DPP6: variants seen among roughly 807,000 people sequenced by gnomAD.
DPP6 encodes the protein dipeptidyl peptidase like 6.
Under a neutral mutation model 122.6 loss-of-function variants are expected in DPP6, and 69 were observed. The observed-to-expected ratio is 0.56, with a 90% CI of 0.46 to 0.69. DPP6 has a LOEUF of 0.69. Among genes scored for constraint, DPP6 ranks in the 30% least tolerant of loss-of-function variants. The probability of loss-of-function intolerance (pLI) is 0.00; values close to 1 mark genes in which losing one functional copy is unlikely to be tolerated. For missense variants in DPP6, 928 were observed against 1,116.9 expected, an observed-to-expected ratio of 0.83 and a Z score of 2.41; for synonymous variants, 418 against 433.1, an observed-to-expected ratio of 0.97 and a Z score of 0.43.
At position 154,695,040 on chromosome 7, in the gene DPP6, GT is replaced by G. The variant is rs1409706664; in HGVS notation, c.762+25603del. 3.3e-5 allele frequency among the ~76,000 whole-genome samples: 5 copies of G among 152,172 alleles called. No homozygotes were observed. The East Asian group carries it at 9.6e-4, about 29-fold the overall frequency. On this transcript the variant is annotated intron_variant, in intron 7 of 25. Transcript: ENST00000377770. ...AACATTTTGAAAAGTTTTATCCTCT[GT>G]TTTGTCATTAAAATAGACCCCGTGG...
At chr7:154,700,200 A>G (rs1307631274) in intron 7 of DPP6, among the ~76,000 whole-genome samples, 1 of 152,246 alleles carries the variant, frequency 6.6e-6, no homozygotes, top group Non-Finnish European at 1.5e-5. Context: ...AGTGGTTACT[A>G]TTTTTGGATT....
chr7:154,645,365 T>C (rs1237103098), intron 6 of DPP6, among the ~76,000 whole-genome samples: 1 of 151,886 alleles, frequency 6.6e-6, no homozygotes, highest in Non-Finnish European at 1.5e-5. Context: ...GCGCCCGGCC[T>C]GTTACTTGGT....
chr7:154,844,152 C>A (rs1457838975), intron 16 of DPP6, among the ~76,000 whole-genome samples: 2 of 152,190 alleles, frequency 1.3e-5, no homozygotes, highest in Non-Finnish European at 2.9e-5. Flanking sequence ...GCATCAGAGA[C>A]AAAAGGGCAA....
At chr7:153,889,326 G>C (rs186237676) in intron 1 of DPP6, among the ~76,000 whole-genome samples, 46 of 152,264 alleles carry the variant, frequency 3.0e-4, no homozygotes, top group Admixed American at 1.5e-3. Flanking sequence ...GCATAAACAG[G>C]ATAGAAACGT....
At chr7:154,827,661 CA>C (rs1800268260) in intron 16 of DPP6, among the ~76,000 whole-genome samples, 1 of 105,956 alleles carries the variant, frequency 9.4e-6, no homozygotes, top group African/African-American at 3.6e-5. Flanking sequence ...GGACGGCTGG[CA>C]GGGGGGTGGT....
At chr7:154,203,560 G>A (rs1439309693) in intron 1 of DPP6, among the ~76,000 whole-genome samples, 1 of 152,152 alleles carries the variant, frequency 6.6e-6, no homozygotes, top group African/African-American at 2.4e-5. Flanking sequence ...GCAGAGATGA[G>A]GCATAATGAA....
At chr7:154,794,226 G>A (rs373197400) in intron 11 of DPP6, 24 bp downstream of exon 11, 51 of 1,584,094 alleles carry the variant, frequency 3.2e-5, no homozygotes, top group Non-Finnish European at 4.3e-5. Context: ...TGGGGGTGGA[G>A]GGGAGACGGG....
chr7:154,546,179 AT>A (rs1466895481), intron 4 of DPP6, among the ~76,000 whole-genome samples: 1 of 150,812 alleles, frequency 6.6e-6, no homozygotes, highest in African/African-American at 2.5e-5. Flanking sequence ...GATACAAAAA[AT>A]ATTTATGATA....
chr7:153,897,269 T>G (rs1799453277), intron 1 of DPP6, among the ~76,000 whole-genome samples: 1 of 152,212 alleles, frequency 6.6e-6, no homozygotes, highest in Non-Finnish European at 1.5e-5. Context: ...ATGTATTCTT[T>G]CAGAAATTAT....
intron 16 of DPP6, among the ~76,000 whole-genome samples, chr7:154,844,166 C>T (rs189060269): frequency 1.3e-5 from 2 of 152,334 alleles, no homozygotes; most frequent in African/African-American, 4.8e-5. Flanking sequence ...AGGGCAAAAG[C>T]TTCCTATTGT....
intron 1 of DPP6, among the ~76,000 whole-genome samples, chr7:154,360,126 G>T (rs1023756984): frequency 6.6e-5 from 10 of 152,102 alleles, no homozygotes; most frequent in African/African-American, 2.4e-4. Context: ...ATTGAAGCTG[G>T]CATGAATCTG....
At position 154,408,445 on chromosome 7, in the gene DPP6, C is replaced by G. The variant is rs186187983; in HGVS notation, c.244-37769C>G. ...TTATGTGGTTATTGTTTTTTTAAAT[C>G]TTTTCAATATATATTTTTATATTGG... On this transcript the variant is annotated intron_variant, in intron 1 of 25. Coordinates refer to ENST00000377770, the MANE Select transcript of DPP6 (RefSeq NM_130797.4). Among the ~76,000 whole-genome samples the G allele has an allele frequency of 1.7e-3, 259 of 152,064 alleles. 3 individuals are homozygous for G. The highest frequency in any genetic ancestry group is 0.013 in the Admixed American group (203 of 15,270).
At chr7:154,368,039 C>T (rs1302566121) in intron 1 of DPP6, among the ~76,000 whole-genome samples, 1 of 152,152 alleles carries the variant, frequency 6.6e-6, no homozygotes, top group East Asian at 1.9e-4. Context: ...AACTCCTGAC[C>T]TTGTGATTCA....
At chr7:154,417,131 G>A (rs746931495) in intron 1 of DPP6, among the ~76,000 whole-genome samples, 2 of 152,212 alleles carry the variant, frequency 1.3e-5, no homozygotes, top group Non-Finnish European at 2.9e-5. Context: ...GGTGAATGAA[G>A]CAAGTCTGAG....
chr7:153,890,683 C>CTTTT (rs34345128), intron 1 of DPP6, among the ~76,000 whole-genome samples: 1,392 of 82,006 alleles, frequency 0.017, 157 homozygotes, highest in African/African-American at 0.076. Context: ...CAGTTTAGAA[C>CTTTT]TTTTTTTTTT....
At chr7:153,768,470 A>G in the DPP6 span, among the ~76,000 whole-genome samples, 1 of 152,108 alleles carries the variant, frequency 6.6e-6, no homozygotes, top group Non-Finnish European at 1.5e-5. Flanking sequence ...TTAGTATTAT[A>G]CTACCAAAGA....
intron 1 of DPP6, among the ~76,000 whole-genome samples, chr7:153,900,782 A>G (rs1384052858): frequency 1.3e-5 from 2 of 152,144 alleles, no homozygotes; most frequent in Non-Finnish European, 2.9e-5. Flanking sequence ...TGAAAGTGCC[A>G]TGTCTTATTT....
At chr7:154,408,046 AT>A (rs2151199964) in intron 1 of DPP6, among the ~76,000 whole-genome samples, 1 of 152,338 alleles carries the variant, frequency 6.6e-6, no homozygotes, top group South Asian at 2.1e-4. Context: ...CGCAAGAGGT[AT>A]TTGCTGTTGT....
Position 154,863,980 on chromosome 7 carries a change from C to T in DPP6, c.1715-4015C>T, listed in dbSNP as rs1171846215. 2.0e-5 allele frequency among the ~76,000 whole-genome samples: 3 copies of T among 151,940 alleles called. No homozygotes were observed. Among genetic ancestry groups the T allele is most frequent in the African/African-American group, 4.8e-5 (2 of 41,362 alleles). On this transcript the variant is annotated intron_variant, in intron 17 of 25. Transcript: ENST00000377770. This position sits in a 1 kb window ranked among gnomAD's most constrained non-coding sequence, Gnocchi z 4.1. ...AGCACAGGGAGGGGGCGAGGTGGGG[C>T]AGAGAGGGGTCCTACTGATGGCCGC...
Sources: allele counts gnomAD v4.1 joint callset (sites outside exome capture counted in the v4.1 genomes callset), GRCh38; gene constraint gnomAD v4.1.1; non-coding constraint Gnocchi (gnomAD v3.1); transcripts MANE v1.5; gene names NCBI Gene and HGNC (gene_info 2026-07-23, HGNC 2026-07-21).